The following RPS6KC1 variants were observed in gnomAD, a reference collection of about 807,000 sequenced individuals.
RPS6KC1 encodes the protein inactive ribosomal protein S6 kinase delta-1.
RPS6KC1 carries 54 observed loss-of-function variants against 103.8 expected under a neutral mutation model. That is an observed-to-expected ratio of 0.52 (90% CI 0.42 to 0.65). The LOEUF is 0.65. RPS6KC1 is among the 30% of genes least tolerant of loss of function. RPS6KC1 has a pLI of 0.00. For missense variants in RPS6KC1, 1,151 were observed against 1,253.8 expected (o/e 0.92, Z 1.24); for synonymous variants, 439 against 438.7 (o/e 1.00, Z -0.01).
chr1:213,714,521 T>C, the RPS6KC1 span, among the ~76,000 whole-genome samples: 2 of 143,240 alleles, frequency 1.4e-5, no homozygotes, highest in African/African-American at 5.5e-5. Context: ...ATTTCTGACC[T>C]TTCTCTGTCC....
chr1:213,249,531 A>C (rs1408463947), intron 12 of RPS6KC1, among the ~76,000 whole-genome samples: 3 of 152,192 alleles, frequency 2.0e-5, no homozygotes, highest in African/African-American at 7.2e-5. Context: ...GCAGAGAGAG[A>C]GCGCAAGCAA....
chr1:213,408,140 G>A, the RPS6KC1 span, among the ~76,000 whole-genome samples: 1 of 152,166 alleles, frequency 6.6e-6, no homozygotes. Context: ...TCTTAAACTT[G>A]GGGGTCTTTC....
the RPS6KC1 span, among the ~76,000 whole-genome samples, chr1:213,751,617 T>C: frequency 0.66 from 100,711 of 151,974 alleles, 34,663 homozygotes; most frequent in African/African-American, 0.86. Context: ...AGCAGGTGAG[T>C]GCCCCAGAGG....
chr1:213,570,733 G>A, the RPS6KC1 span, among the ~76,000 whole-genome samples: 6 of 152,086 alleles, frequency 3.9e-5, no homozygotes, highest in African/African-American at 1.4e-4. Context: ...TGGTGTGGAG[G>A]GTGAGAAATT....
chr1:213,120,014 G>T (rs1238801264), intron 5 of RPS6KC1, among the ~76,000 whole-genome samples: 3 of 152,182 alleles, frequency 2.0e-5, no homozygotes, highest in Admixed American at 2.0e-4. Context: ...TCCTAAAGCA[G>T]TTGTTTCAGA....
the RPS6KC1 span, among the ~76,000 whole-genome samples, chr1:213,844,463 A>G: frequency 0.015 from 2,348 of 152,314 alleles, 26 homozygotes; most frequent in Admixed American, 0.025. Context: ...TCTTATTATT[A>G]GTATTCCTTA....
the RPS6KC1 span, among the ~76,000 whole-genome samples, chr1:213,706,372 C>T: frequency 1.4e-3 from 220 of 152,258 alleles, 1 homozygote; most frequent in Middle Eastern, 6.8e-3. Context: ...AACAGGACAG[C>T]ACTGAGTTCA....
chr1:213,176,487 G>A lies in RPS6KC1; in HGVS notation c.1039G>A (p.Asp347Asn), dbSNP rs773812205. 2 of 1,591,284 alleles carry A rather than the reference G, an allele frequency of 1.3e-6. No individual in the cohort carries two copies. The highest frequency in any genetic ancestry group is 1.7e-6 in the Non-Finnish European group (2 of 1,162,496). The change falls in exon 8 of 15, where the codon GAC becomes AAC. Residue 347 changes from aspartate (D) to asparagine (N), a missense_variant. This residue lies in a region of RPS6KC1 where 959 missense variants were observed against 1,006.3 expected (regional missense o/e 0.95). Transcript: ENST00000366960. ...GGCCTTCAGAGTCCTTGGGGTGATTGACAAGGTAATTCTTCAGTGTCTCTT... is the reference window on the plus strand; with the variant it reads ...GGCCTTCAGAGTCCTTGGGGTGATTAACAAGGTAATTCTTCAGTGTCTCTT... The part of the protein sequence containing the change: ...LKAFRVLGVI[D>N]KVLLVMDTRT...
the RPS6KC1 span, chr1:213,818,332 G>T: frequency 6.6e-6 from 1 of 152,554 alleles, no homozygotes; most frequent in South Asian, 2.0e-4. Context: ...GCCAAGTTAT[G>T]AATGCAAAGG....
the RPS6KC1 span, among the ~76,000 whole-genome samples, chr1:213,686,981 A>G: frequency 6.6e-6 from 1 of 152,186 alleles, no homozygotes; most frequent in Non-Finnish European, 1.5e-5. Context: ...GTAAATGGTC[A>G]TGGTGCTGGT....
the RPS6KC1 span, among the ~76,000 whole-genome samples, chr1:213,740,760 C>A: frequency 9.1e-6 from 1 of 110,254 alleles, no homozygotes; most frequent in Non-Finnish European, 1.8e-5. Context: ...ATATATACAT[C>A]TCAGATATAT....
chr1:213,808,410 T>C, the RPS6KC1 span, among the ~76,000 whole-genome samples: 2 of 152,158 alleles, frequency 1.3e-5, no homozygotes, highest in Non-Finnish European at 2.9e-5. Context: ...AGGCAGGCCT[T>C]CTTGAGCTGT....
chr1:213,266,192 T>G (rs1051877254), intron 14 of RPS6KC1, among the ~76,000 whole-genome samples: 2 of 152,194 alleles, frequency 1.3e-5, no homozygotes, highest in Non-Finnish European at 2.9e-5. Flanking sequence ...AATGAGGCTA[T>G]TGCTATTGAC....
At chr1:213,710,478 C>A in the RPS6KC1 span, among the ~76,000 whole-genome samples, 5 of 152,020 alleles carry the variant, frequency 3.3e-5, no homozygotes, top group Non-Finnish European at 5.9e-5. Context: ...CAATTTGCCA[C>A]CTGTGTCTTT....
At chr1:213,140,648 G>T (rs2086906271) in intron 6 of RPS6KC1, among the ~76,000 whole-genome samples, 1 of 151,992 alleles carries the variant, frequency 6.6e-6, no homozygotes, top group African/African-American at 2.4e-5. Context: ...TTATTGATTT[G>T]CATCTGTTGA....
chr1:213,855,204 A>G, the RPS6KC1 span, among the ~76,000 whole-genome samples: 2 of 152,250 alleles, frequency 1.3e-5, no homozygotes, highest in African/African-American at 2.4e-5. Flanking sequence ...AATTTAGTCC[A>G]TAGCACTTTC....
At chr1:213,854,619 AT>A in the RPS6KC1 span, among the ~76,000 whole-genome samples, 1 of 135,092 alleles carries the variant, frequency 7.4e-6, no homozygotes, top group Non-Finnish European at 1.6e-5. Context: ...CTACTCTTTT[AT>A]TCACCCTCTG....
intron 12 of RPS6KC1, among the ~76,000 whole-genome samples, chr1:213,246,326 G>C (rs1328807259): frequency 6.6e-6 from 1 of 152,094 alleles, no homozygotes; most frequent in Non-Finnish European, 1.5e-5. Context: ...AAAAGAAATA[G>C]TCCACAAAGT....
chr1:213,646,256 G>A, the RPS6KC1 span, among the ~76,000 whole-genome samples: 1 of 152,168 alleles, frequency 6.6e-6, no homozygotes, highest in East Asian at 1.9e-4. Flanking sequence ...TAACAAAAAG[G>A]AATAATATTA....
Sources: gnomAD v4.1 joint callset for allele counts (sites outside exome capture counted in the v4.1 genomes callset) on GRCh38, gnomAD v4.1.1 for gene constraint, gnomAD v4.1.1 regional missense constraint, MANE v1.5 for transcripts, NCBI Gene and HGNC (gene_info 2026-07-23, HGNC 2026-07-21) for gene names.